TTN: variants seen among roughly 807,000 people sequenced by gnomAD.
The protein encoded by TTN is titin.
A neutral mutation model predicts 3,223.0 loss-of-function variants in TTN; 1,525 were observed. The observed-to-expected ratio is 0.47, with a 90% CI of 0.45 to 0.49. TTN has a LOEUF of 0.49. Ranked by LOEUF, TTN falls within the 20% of genes least tolerant of loss-of-function variation. TTN has a pLI of 0.00. For missense variants in TTN, 40,786 were observed against 43,424.0 expected (o/e 0.94, Z 5.40); for synonymous variants, 14,094 against 15,161.0 (o/e 0.93, Z 5.17).
At chr2:178,556,205 G>GGA (rs1199734164) in intron 330 of TTN, 1 of 152,942 alleles carries the variant, frequency 6.5e-6, no homozygotes, top group Non-Finnish European at 1.5e-5. Flanking sequence ...CGAGGTGGGT[G>GGA]GATCACCTGA....
chr2:178,582,877 AATCCTATTTAC>A, intron 313 of TTN, 52 bp downstream of exon 313: 1 of 1,318,302 alleles, frequency 7.6e-7, no homozygotes, highest in Non-Finnish European at 1.0e-6. Context: ...TTATTCTGTA[AATCCTATTTAC>A]ATCCCATTAT....
chr2:178,679,783 T>C (rs983481155), intron 140 of TTN, 101 bp from the exon 141 acceptor site: 45 of 1,547,736 alleles, frequency 2.9e-5, no homozygotes, highest in Non-Finnish European at 3.9e-5. Flanking sequence ...AAATATCTGC[T>C]TTAAAGTAAG....
chr2:178,703,736 T>C (rs755522727), intron 106 of TTN, among the ~76,000 whole-genome samples: 9 of 152,246 alleles, frequency 5.9e-5, no homozygotes, highest in Non-Finnish European at 8.8e-5. Flanking sequence ...ATGTTATCTA[T>C]ATAATTTTGT....
rs984174890 is a variant in TTN, at chr2:178,779,882, T to G, written c.3729+118A>C. The G allele has an allele frequency of 1.2e-5, 12 of 983,880 alleles. No homozygotes were observed. The African/African-American group carries it at 1.8e-4, about 15-fold the overall frequency. The allele number at this position is 983,880 out of a possible 1,614,324, so 60.9% of individuals were successfully genotyped here. On this transcript the variant is annotated intron_variant, in intron 22 of 362. Coordinates refer to ENST00000589042, the MANE Select transcript of TTN (RefSeq NM_001267550.2). The stretch of plus-strand genomic sequence containing the variant: ...TTAAGGAAACTTAGCAACAGTGAAC[T>G]TGGACCTTCTAATAGCTGTCTAACC...
At chr2:178,685,745 A>G (rs1303184314) in intron 127 of TTN, 147 bp from the exon 128 acceptor site, 1 of 718,796 alleles carries the variant, frequency 1.4e-6, no homozygotes, top group East Asian at 2.7e-5. Flanking sequence ...AAATACTCAA[A>G]GAGCATTTTA....
In TTN at chr2:178,618,565, G is replaced by T. The variant is rs1262177882; in HGVS notation, c.46966+19C>A. ...AAATTGTGCTTTGCCAATTAAGTCT[G>T]AGAGACCCAAGGGCTTACCAATAAC... is the stretch of plus-strand genomic sequence containing the variant. On this transcript the variant is annotated intron_variant, in intron 251 of 362. Coordinates refer to ENST00000589042, the MANE Select transcript of TTN (RefSeq NM_001267550.2). 6.2e-7 allele frequency: 1 copy of T among 1,608,544 alleles called. No homozygotes were observed. Among genetic ancestry groups the T allele is most frequent in the Non-Finnish European group, 8.5e-7 (1 of 1,178,208 alleles).
Position 178,593,860 on chromosome 2 carries a change from A to G in TTN, c.58440T>C (p.Pro19480=), listed in dbSNP as rs780391876. The G allele has an allele frequency of 1.9e-6, 3 of 1,610,358 alleles. No individual in the cohort carries two copies. In the South Asian group the frequency reaches 3.3e-5, roughly 18 times the overall value. ...AACTAACTGGTCCTACTGGTGGTCCAGGACGGTCTGCAGAAAAAAAAAATC... is the reference window on the plus strand; with the variant it reads ...AACTAACTGGTCCTACTGGTGGTCCGGGACGGTCTGCAGAAAAAAAAAATC... The part of the protein sequence containing the change: ...GFCQVNVVDR[P]GPPVGPVSFD... The change falls in exon 298 of 363, where the codon CCT becomes CCC. Residue 19480 remains proline, a synonymous_variant. Coordinates refer to ENST00000589042, the MANE Select transcript of TTN (RefSeq NM_001267550.2).
At position 178,649,896 on chromosome 2, in the gene TTN, TTGAA is replaced by T; in HGVS notation, c.39818-6_39818-3del. 1.2e-6 allele frequency: 2 copies of T among 1,601,588 alleles called. No homozygotes were observed. Among genetic ancestry groups the T allele is most frequent in the Non-Finnish European group, 1.7e-6 (2 of 1,177,028 alleles). Reference sequence around the variant, plus strand: ...TGATCTTCTTGGGCTCTTCAGGCACTTGAATAATAGGAATTTCTTTTAGAATTAG... The same window carrying T: ...TGATCTTCTTGGGCTCTTCAGGCACTTAATAGGAATTTCTTTTAGAATTAG... On this transcript the variant is annotated splice_region_variant and splice_polypyrimidine_tract_variant and intron_variant, in intron 210 of 362. Coordinates refer to ENST00000589042, the MANE Select transcript of TTN (RefSeq NM_001267550.2).
Position 178,649,900 on chromosome 2 carries a change from A to G in TTN, c.39818-6T>C, listed in dbSNP as rs1395982109. 1.9e-6 allele frequency: 3 copies of G among 1,599,836 alleles called. No individual in the cohort carries two copies. The highest frequency in any genetic ancestry group is 2.7e-5 in the African/African-American group (2 of 73,886). On this transcript the variant is annotated splice_region_variant and splice_polypyrimidine_tract_variant and intron_variant, in intron 210 of 362. Transcript: ENST00000589042. The stretch of plus-strand genomic sequence containing the variant: ...CTTCTTGGGCTCTTCAGGCACTTGA[A>G]TAATAGGAATTTCTTTTAGAATTAG...
rs777595903 is a variant in TTN at position 178,554,611 on chromosome 2, A to G, written c.88736T>C (p.Val29579Ala). ...YIVEKRETSRVVWSMVSEHLE... is the reference protein window; with the variant it reads ...YIVEKRETSRAVWSMVSEHLE... ...ATGTTCAGACACCATAGACCACACAACGCGGCTTGTCTCACGCTTTTCCAC... is the reference window on the plus strand; with the variant it reads ...ATGTTCAGACACCATAGACCACACAGCGCGGCTTGTCTCACGCTTTTCCAC... Residue 29579 changes from valine to alanine, a missense_variant, in exon 332 of 363, where the codon GTT becomes GCT. Transcript: ENST00000589042. The G allele has an allele frequency of 1.2e-6, 2 of 1,613,704 alleles. No homozygotes were observed. Among genetic ancestry groups the G allele is most frequent in the Non-Finnish European group, 1.7e-6 (2 of 1,179,846 alleles).
intron 218 of TTN, among the ~76,000 whole-genome samples, chr2:178,644,047 C>T (rs575177727): frequency 5.3e-5 from 8 of 151,912 alleles, no homozygotes; most frequent in South Asian, 2.1e-4. Context: ...ATGTGAGTTC[C>T]GTACCCCTCA....
intron 240 of TTN, chr2:178,628,814 T>G (rs2059407298): frequency 6.5e-6 from 1 of 154,676 alleles, no homozygotes; most frequent in Admixed American, 6.5e-5. Flanking sequence ...GAGAAATGCT[T>G]GAAGAGCAAA....
Position 178,587,707 on chromosome 2 carries a change from C to T in TTN, c.63602G>A (p.Arg21201Gln), listed in dbSNP as rs763273464. 1.2e-5 allele frequency: 19 copies of T among 1,612,750 alleles called. No homozygotes were observed. Among genetic ancestry groups the T allele is most frequent in the Admixed American group, 5.0e-5 (3 of 59,926 alleles). Reference sequence around the variant, plus strand: ...TCGCCAAGTGACTTTAGGGGCTGGTCGTCCTCTCACTATAGCAAAGAGACG... The same window carrying T: ...TCGCCAAGTGACTTTAGGGGCTGGTTGTCCTCTCACTATAGCAAAGAGACG... ...PIRLFAIVRG[R>Q]PAPKVTWRKV... Residue 21201 changes from arginine to glutamine, a missense_variant, in exon 306 of 363, where the codon CGA becomes CAA. Physicochemically the swap from Arg to Gln is conservative, Grantham distance 43. Coordinates refer to ENST00000589042, the MANE Select transcript of TTN (RefSeq NM_001267550.2).
chr2:178,663,769 C>A, intron 170 of TTN, 50 bp downstream of exon 170: 3 of 1,611,852 alleles, frequency 1.9e-6, no homozygotes, highest in Non-Finnish European at 2.5e-6. Flanking sequence ...GAAAAAATAT[C>A]TTCAAGAGCA....
rs1376835893 is a variant in TTN at position 178,636,831 on chromosome 2, G to T, written c.40928-32C>A. The T allele has an allele frequency of 7.2e-6, 11 of 1,532,838 alleles. No homozygotes were observed. The African/African-American group carries it at 1.4e-4, about 19-fold the overall frequency. The allele number at this position is 1,532,838 out of a possible 1,614,324, so 95.0% of individuals were successfully genotyped here. ...CAAAGTAAAATAAAAAGTTGATTTG[G>T]CATCTCCTTAGGAGTCAGAAAGTTC... On this transcript the variant is annotated intron_variant, in intron 224 of 362. Coordinates refer to ENST00000589042, the MANE Select transcript of TTN (RefSeq NM_001267550.2). The surrounding 1 kb of genome is among the most constrained non-coding windows in gnomAD (Gnocchi z 4.3).
chr2:178,615,786 A>T lies in TTN; in HGVS notation c.48315T>A (p.Val16105=), dbSNP rs765925101. 1.9e-6 allele frequency: 3 copies of T among 1,606,798 alleles called. No homozygotes were observed. Among genetic ancestry groups the T allele is most frequent in the Non-Finnish European group, 2.5e-6 (3 of 1,177,242 alleles). Reference sequence around the variant, plus strand: ...ATTCTAGATCAGTCACAAAGTCCATAACCTGGGACAAAGAAATACAGTTAA... The same window carrying T: ...ATTCTAGATCAGTCACAAAGTCCATTACCTGGGACAAAGAAATACAGTTAA... ...REVSRKTWTK[V]MDFVTDLEFT... The change falls in exon 258 of 363, where the codon GTT becomes GTA. Residue 16105 remains valine (V), a splice_region_variant and synonymous_variant. Coordinates refer to ENST00000589042, the MANE Select transcript of TTN (RefSeq NM_001267550.2).
intron 47 of TTN, chr2:178,746,060 T>C (rs1481050154): frequency 6.2e-7 from 1 of 1,613,354 alleles, no homozygotes; most frequent in East Asian, 2.2e-5. Flanking sequence ...TGTTGCACTA[T>C]CAGAAAGACA....
In TTN at chr2:178,559,808, G is replaced by A; in HGVS notation, c.86324C>T (p.Thr28775Ile). ...TACTGGTCTTCCTCGGAAAGGCACA[G>A]TCATGGTAAATGAGGCACCAGCCTT... ...IVKAGASFTM[T>I]VPFRGRPVPN... is the part of the protein sequence containing the mutation. The change falls in exon 326 of 363, where the codon ACT (threonine) becomes ATT (isoleucine). Residue 28775 changes from threonine to isoleucine, a missense_variant. Physicochemically the swap from Thr to Ile is moderately conservative, Grantham distance 89 (BLOSUM62 -1). Coordinates refer to ENST00000589042, the MANE Select transcript of TTN (RefSeq NM_001267550.2). 1.9e-6 allele frequency: 3 copies of A among 1,610,052 alleles called. No homozygotes were observed. The highest frequency in any genetic ancestry group is 2.5e-6 in the Non-Finnish European group (3 of 1,179,188).
intron 47 of TTN, chr2:178,748,922 T>C: frequency 1.9e-6 from 3 of 1,612,520 alleles, no homozygotes; most frequent in Non-Finnish European, 1.7e-6. Context: ...TGAAAAGGCT[T>C]TGTCATCAAT....
Sources: gnomAD v4.1 joint callset for allele counts (sites outside exome capture counted in the v4.1 genomes callset) on GRCh38, gnomAD v4.1.1 for gene constraint, Gnocchi (gnomAD v3.1) non-coding constraint, MANE v1.5 for transcripts, NCBI Gene and HGNC (gene_info 2026-07-23, HGNC 2026-07-21) for gene names.